PLA2G4B: variants seen among roughly 807,000 people sequenced by gnomAD.
PLA2G4B encodes the protein cytosolic phospholipase A2 beta.
In PLA2G4B, 122 loss-of-function variants were observed where a neutral mutation model predicts 95.8. The ratio of observed to expected loss-of-function variants is 1.27; its 90% CI spans 1.10 to 1.48. PLA2G4B has a LOEUF of 1.48. Ranked by LOEUF, PLA2G4B falls within the 40% of genes most tolerant of loss-of-function variation. The probability of loss-of-function intolerance (pLI) is 0.00; values close to 1 mark genes in which losing one functional copy is unlikely to be tolerated. For synonymous variants in PLA2G4B, 518 were observed against 421.5 expected (o/e 1.23, Z -2.80); for missense variants, 1,158 against 996.2 (o/e 1.16, Z -2.19).
chr15:41,846,934 G>A (rs552517518), intron 18 of PLA2G4B, 99 bp downstream of exon 18: 14 of 1,426,322 alleles, frequency 9.8e-6, no homozygotes, highest in Middle Eastern at 2.5e-4. Context: ...GCTTCCTTTA[G>A]GAGCTGTGAT....
chr15:41,843,921 T>C, intron 11 of PLA2G4B, 110 bp downstream of exon 11: 1 of 1,475,314 alleles, frequency 6.8e-7, no homozygotes, highest in South Asian at 1.4e-5. Flanking sequence ...CGTAGCTGCC[T>C]GTCCCCACCC....
rs746908849 is a variant in PLA2G4B at position 41,846,111 on chromosome 15, C to CG, written c.1600+70dup. On this transcript the variant is annotated intron_variant, in intron 16 of 19. Transcript: ENST00000458483. ...AGCCAGCTGGGGCTGCACCAGGGGG[C>CG]GGGGGGTTCACACCTCTTCCCCCTC... 3.6e-5 allele frequency: 56 copies of CG among 1,573,902 alleles called. No homozygotes were observed. In the South Asian group the frequency reaches 5.8e-4, roughly 16 times the overall value.
In PLA2G4B at chr15:41,847,929, C is replaced by A; in HGVS notation, c.*69C>A. 1 of 1,538,984 alleles carries A rather than the reference C, an allele frequency of 6.5e-7. No individual in the cohort carries two copies. Among genetic ancestry groups the A allele is most frequent in the Non-Finnish European group, 8.8e-7 (1 of 1,142,738 alleles). ...CTGCTGAGTTGCAGGTGGGAACTGT[C>A]ATCACGCAGTGCTTCAGAGCCTCGG... On this transcript the variant is annotated 3_prime_UTR_variant, in exon 20 of 20. Transcript: ENST00000458483.
At chr15:41,841,405 C>G in intron 6 of PLA2G4B, 112 bp from the exon 7 acceptor site, 1 of 1,607,502 alleles carries the variant, frequency 6.2e-7, no homozygotes. Context: ...GGAATACAAT[C>G]TCAAGGGCCC....
At chr15:41,847,025 A>G (rs2065569562) in intron 18 of PLA2G4B, among the ~76,000 whole-genome samples, 190 bp downstream of exon 18, 1 of 152,106 alleles carries the variant, frequency 6.6e-6, no homozygotes, top group African/African-American at 2.4e-5. Context: ...TTCTCCTGGT[A>G]TCTTGTAGCT....
intron 11 of PLA2G4B, among the ~76,000 whole-genome samples, chr15:41,844,151 G>A (rs2065488034): frequency 6.6e-6 from 1 of 152,218 alleles, no homozygotes. Flanking sequence ...GTCTCCTGGG[G>A]GAGTGATGGC....
Position 41,845,067 on chromosome 15 carries a change from T to G in PLA2G4B, c.1236T>G (p.Asp412Glu), listed in dbSNP as rs777034535. ...TCATCAACGAGGCGCTGCTGCATGA[T>G]GAGGTGCGGGGGCTGCGGCCTGGGG... is the stretch of plus-strand genomic sequence containing the variant. ...WALINEALLH[D>E]EPHDHKLSDQ... Residue 412 changes from aspartate to glutamate, a missense_variant, in exon 13 of 20, where the codon GAT becomes GAG. Transcript: ENST00000458483. 2.5e-6 allele frequency: 4 copies of G among 1,597,966 alleles called. No homozygotes were observed. The South Asian group carries it at 4.5e-5, about 18-fold the overall frequency.
chr15:41,843,337 T>G, intron 10 of PLA2G4B: 2 of 212,564 alleles, frequency 9.4e-6, no homozygotes, highest in Non-Finnish European at 1.8e-5. Flanking sequence ...CCTCCCAAAG[T>G]GCTTTGAACT....
chr15:41,842,589 A>C lies in PLA2G4B; in HGVS notation c.741A>C (p.Ala247=), dbSNP rs781267149. 1 of 1,607,136 alleles carries C rather than the reference A, an allele frequency of 6.2e-7. No individual in the cohort carries two copies. Among genetic ancestry groups the C allele is most frequent in the South Asian group, 1.1e-5 (1 of 90,288 alleles). Residue 247 remains alanine (A), a splice_region_variant and synonymous_variant, in exon 10 of 20, where the codon GCA becomes GCC. Coordinates refer to ENST00000458483, the MANE Select transcript of PLA2G4B (RefSeq NM_001114633.2). Reference sequence around the variant, plus strand: ...TGAGAGTGGAGCTGAAAAAAGAAGCAGGGTGAGAGGCCTGGCTGGGGACTG... The same window carrying C: ...TGAGAGTGGAGCTGAAAAAAGAAGCCGGGTGAGAGGCCTGGCTGGGGACTG... The part of the protein sequence containing the change: ...PLMRVELKKE[A]GLRELAVRLG...
chr15:41,845,809 C>T lies in PLA2G4B; in HGVS notation c.1495+34C>T, dbSNP rs150919041. 1.4e-3 allele frequency: 2,140 copies of T among 1,563,720 alleles called. 29 individuals are homozygous for T. The African/African-American group carries it at 0.026, about 19-fold the overall frequency. On this transcript the variant is annotated intron_variant, in intron 15 of 19. Transcript: ENST00000458483. ...CACTGGCAGGCTGGGGAAGCTGGGC[C>T]GAGCAGGGAAAATGGGTCCTGGGTG...
chr15:41,844,541 C>T lies in PLA2G4B; in HGVS notation c.950C>T (p.Ala317Val), dbSNP rs1461016188. The change falls in exon 12 of 20, where the codon GCT becomes GTT. Residue 317 changes from alanine to valine, a missense_variant. Coordinates refer to ENST00000458483, the MANE Select transcript of PLA2G4B (RefSeq NM_001114633.2). Reference sequence around the variant, plus strand: ...ATGACTTCCCTGTATGGGCAGCTGGCTGGCCTGAAGGAGCTGGGCCTCTTG... The same window carrying T: ...ATGACTTCCCTGTATGGGCAGCTGGTTGGCCTGAAGGAGCTGGGCCTCTTG... ...RAMTSLYGQLAGLKELGLLDC... is the reference protein window; with the variant it reads ...RAMTSLYGQLVGLKELGLLDC... The T allele has an allele frequency of 6.2e-7, 1 of 1,614,160 alleles. No homozygotes were observed. The highest frequency in any genetic ancestry group is 1.1e-5 in the South Asian group (1 of 91,074).
chr15:41,845,226 T>A lies in PLA2G4B; in HGVS notation c.1263T>A (p.Asp421Glu). The A allele has an allele frequency of 1.2e-6, 2 of 1,614,106 alleles. No homozygotes were observed. Among genetic ancestry groups the A allele is most frequent in the Non-Finnish European group, 1.7e-6 (2 of 1,179,984 alleles). ...HDEPHDHKLS[D>E]QREALSHGQN... The stretch of plus-strand genomic sequence containing the variant: ...AGCCCCATGATCACAAGCTCTCAGA[T>A]CAACGGGAGGCCCTGAGTCATGGCC... Residue 421 changes from aspartate (D) to glutamate (E), a missense_variant, in exon 14 of 20, where the codon GAT becomes GAA. Coordinates refer to ENST00000458483, the MANE Select transcript of PLA2G4B (RefSeq NM_001114633.2).
intron 1 of PLA2G4B, 147 bp downstream of exon 1, chr15:41,839,069 G>A (rs2065377488): frequency 5.0e-6 from 3 of 599,560 alleles, no homozygotes; most frequent in Admixed American, 3.1e-5. Flanking sequence ...GCGGGCAGAA[G>A]CCAGGGGAGG....
chr15:41,839,202 T>A, intron 1 of PLA2G4B: 1 of 340,204 alleles, frequency 2.9e-6, no homozygotes. Flanking sequence ...GCTGCCGCCC[T>A]GAGGCCCTGG....
chr15:41,841,083 G>T lies in PLA2G4B; in HGVS notation c.380G>T (p.Arg127Leu). The T allele has an allele frequency of 1.3e-6, 2 of 1,591,200 alleles. No individual in the cohort carries two copies. Among genetic ancestry groups the T allele is most frequent in the Non-Finnish European group, 1.7e-6 (2 of 1,165,510 alleles). Residue 127 changes from arginine to leucine, a missense_variant, in exon 5 of 20, where the codon CGC (arginine) becomes CTC (leucine). Arg to Leu is a moderately radical substitution (Grantham distance 102, BLOSUM62 -2). Coordinates refer to ENST00000458483, the MANE Select transcript of PLA2G4B (RefSeq NM_001114633.2). ...GAGGGGCGCCTGGAAGTTGAATTTCGCCTGCAGAGTCTGTGAGTCAGGGGC... is the reference window on the plus strand; with the variant it reads ...GAGGGGCGCCTGGAAGTTGAATTTCTCCTGCAGAGTCTGTGAGTCAGGGGC... ...QGEGRLEVEFRLQSLADRGEW... is the reference protein window; with the variant it reads ...QGEGRLEVEFLLQSLADRGEW...
Position 41,845,970 on chromosome 15 carries a change from A to G in PLA2G4B, c.1523A>G (p.Asn508Ser). The G allele has an allele frequency of 6.6e-7, 1 of 1,515,264 alleles. No individual in the cohort carries two copies. The highest frequency in any genetic ancestry group is 8.8e-7 in the Non-Finnish European group (1 of 1,132,122). 93.9% of individuals were successfully genotyped at this position (1,515,264 alleles called of 1,614,324 possible). A position where few individuals can be genotyped will look rare whatever the true frequency, so the allele number is the denominator to read the frequency against. ...EGIWSNLYAA[N>S]LQDSLYWASE... Reference sequence around the variant, plus strand: ...ATCTGGAGCAACCTGTATGCAGCCAACCTCCAGGACAGCTTATACTGGGCC... The same window carrying G: ...ATCTGGAGCAACCTGTATGCAGCCAGCCTCCAGGACAGCTTATACTGGGCC... Residue 508 changes from asparagine (N) to serine (S), a missense_variant, in exon 16 of 20, where the codon AAC becomes AGC. Coordinates refer to ENST00000458483, the MANE Select transcript of PLA2G4B (RefSeq NM_001114633.2).
intron 11 of PLA2G4B, 131 bp downstream of exon 11, chr15:41,843,942 C>T: frequency 7.0e-7 from 1 of 1,433,792 alleles, no homozygotes; most frequent in South Asian, 1.5e-5. Context: ...TGCTTCCTCT[C>T]ACCTGGTGTT....
chr15:41,841,814 T>A lies in PLA2G4B; in HGVS notation c.491-5T>A. 6.2e-7 allele frequency: 1 copy of A among 1,613,094 alleles called. No individual in the cohort carries two copies. The highest frequency in any genetic ancestry group is 8.5e-7 in the Non-Finnish European group (1 of 1,179,618). ...CAGCCTCTCTGCTCTGGTTCCTGTT[T>A]CCAGCCTCAGAGCACAGAGTTCAGC... is the stretch of plus-strand genomic sequence containing the variant. On this transcript the variant is annotated splice_polypyrimidine_tract_variant and splice_region_variant and intron_variant, in intron 7 of 19. Transcript: ENST00000458483.
In PLA2G4B at chr15:41,844,561, C is replaced by T. The variant is rs375920817; in HGVS notation, c.970C>T (p.Leu324Phe). 5 of 1,614,200 alleles carry T rather than the reference C, an allele frequency of 3.1e-6. No homozygotes were observed. Among genetic ancestry groups the T allele is most frequent in the East Asian group, 2.2e-5 (1 of 44,880 alleles). Reference protein sequence around the residue: ...GQLAGLKELGLLDCVSYITGA... With the variant: ...GQLAGLKELGFLDCVSYITGA... The stretch of plus-strand genomic sequence containing the variant: ...GCTGGCTGGCCTGAAGGAGCTGGGC[C>T]TCTTGGATTGCGTCTCCTACATCAC... Residue 324 changes from leucine (L) to phenylalanine (F), a missense_variant, in exon 12 of 20, where the codon CTC (leucine) becomes TTC (phenylalanine). Leu to Phe is a conservative substitution (Grantham distance 22). Transcript: ENST00000458483.
Sources: gnomAD v4.1 joint callset for allele counts (sites outside exome capture counted in the v4.1 genomes callset) on GRCh38, gnomAD v4.1.1 for gene constraint, MANE v1.5 for transcripts, NCBI Gene and HGNC (gene_info 2026-07-23, HGNC 2026-07-21) for gene names.